Variants in FAM227B observed in about 807,000 individuals in gnomAD.
FAM227B encodes the protein family with sequence similarity 227 member B.
Under a neutral mutation model 73.8 loss-of-function variants are expected in FAM227B, and 88 were observed. The observed-to-expected ratio is 1.19, with a 90% CI of 1.00 to 1.42. The LOEUF (loss-of-function observed/expected upper bound fraction) is 1.42, where lower values mean the gene tolerates loss of function less well. Ranked by LOEUF, FAM227B falls within the 40% of genes most tolerant of loss-of-function variation. FAM227B has a pLI of 0.00. For synonymous variants in FAM227B, 210 were observed against 190.5 expected (o/e 1.10, Z -0.84); for missense variants, 632 against 590.9 (o/e 1.07, Z -0.72).
chr15:49,463,370 A>G (rs570273124), intron 11 of FAM227B, among the ~76,000 whole-genome samples: 1 of 152,184 alleles, frequency 6.6e-6, no homozygotes, highest in African/African-American at 2.4e-5. Flanking sequence ...CCTGGCCAAC[A>G]TAGTGAAACC....
chr15:49,493,708 TAC>T (rs1219058002), intron 11 of FAM227B, among the ~76,000 whole-genome samples: 1 of 151,958 alleles, frequency 6.6e-6, no homozygotes, highest in African/African-American at 2.4e-5. Flanking sequence ...TCCATCCATC[TAC>T]ACTTATCTAC....
At chr15:49,532,564 C>T (rs17402115) in intron 10 of FAM227B, among the ~76,000 whole-genome samples, 37,747 of 150,378 alleles carry the variant, frequency 0.25, 5,653 homozygotes, top group Non-Finnish European at 0.35. Context: ...CTAGAGAAAA[C>T]GGGAATGAAA....
At chr15:49,345,915 G>A (rs2041410644) in intron 13 of FAM227B, among the ~76,000 whole-genome samples, 1 of 152,136 alleles carries the variant, frequency 6.6e-6, no homozygotes, top group Non-Finnish European at 1.5e-5. Context: ...GAGTGTGTGT[G>A]AGAGACTCAG....
chr15:49,504,492 A>T (rs1028549305), intron 11 of FAM227B, among the ~76,000 whole-genome samples: 1 of 152,108 alleles, frequency 6.6e-6, no homozygotes, highest in Non-Finnish European at 1.5e-5. Context: ...TGGAACTAGC[A>T]CCACTCGCGT....
At chr15:49,447,875 TTTTG>T (rs2052371609) in intron 11 of FAM227B, among the ~76,000 whole-genome samples, 2 of 151,690 alleles carry the variant, frequency 1.3e-5, no homozygotes, top group Non-Finnish European at 3.0e-5. Flanking sequence ...TAGGTTTGAC[TTTTG>T]TTTTTCATGC....
chr15:49,489,863 TATATATATATATATATATATAGAG>T (rs1567382974), intron 11 of FAM227B, among the ~76,000 whole-genome samples: 2,038 of 10,484 alleles, frequency 0.19, 311 homozygotes, highest in Non-Finnish European at 0.28. Context: ...ATATATTTTA[TATATATATATATATATATATAGAG>T]AGAGAGAGAG....
intron 11 of FAM227B, among the ~76,000 whole-genome samples, chr15:49,463,950 G>C (rs2054037139): frequency 6.7e-6 from 1 of 149,138 alleles, no homozygotes; most frequent in South Asian, 2.1e-4. Flanking sequence ...GTTTGCTTTA[G>C]AGTTACTATT....
At chr15:49,409,872 A>G (rs1461814844) in intron 11 of FAM227B, among the ~76,000 whole-genome samples, 1 of 152,196 alleles carries the variant, frequency 6.6e-6, no homozygotes, top group Non-Finnish European at 1.5e-5. Flanking sequence ...GCATGCAGTA[A>G]GTGTTATGTA....
At chr15:49,331,610 TA>T (rs1417675059) in intron 15 of FAM227B, 169 bp downstream of exon 15, 11 of 563,416 alleles carry the variant, frequency 2.0e-5, no homozygotes, top group Non-Finnish European at 3.1e-5. Context: ...ACTAAATATG[TA>T]AAACAGATTT....
At chr15:49,341,162 T>C (rs568999474) in intron 13 of FAM227B, among the ~76,000 whole-genome samples, 6 of 152,356 alleles carry the variant, frequency 3.9e-5, no homozygotes, top group African/African-American at 1.4e-4. Context: ...TTTGGGTTAC[T>C]GTAGCCTTGT....
intron 11 of FAM227B, among the ~76,000 whole-genome samples, chr15:49,458,255 C>G (rs930515161): frequency 6.6e-6 from 1 of 151,818 alleles, no homozygotes; most frequent in African/African-American, 2.4e-5. Flanking sequence ...TTCATTTATA[C>G]TGAATTAATA....
chr15:49,543,174 T>G (rs2071325807), intron 9 of FAM227B, among the ~76,000 whole-genome samples: 1 of 152,170 alleles, frequency 6.6e-6, no homozygotes, highest in Non-Finnish European at 1.5e-5. Context: ...ACATATATTA[T>G]TTTTGGATTT....
At chr15:49,574,045 T>C (rs775244717) in intron 8 of FAM227B, among the ~76,000 whole-genome samples, 2 of 152,132 alleles carry the variant, frequency 1.3e-5, no homozygotes, top group African/African-American at 2.4e-5. Flanking sequence ...CCTGGCAACA[T>C]TGCTTTGAAA....
At chr15:49,427,910 T>TA (rs1425270587) in intron 11 of FAM227B, among the ~76,000 whole-genome samples, 2 of 152,168 alleles carry the variant, frequency 1.3e-5, no homozygotes, top group Non-Finnish European at 2.9e-5. Flanking sequence ...TAGGGAATTT[T>TA]AAAAAATTAC....
chr15:49,348,331 G>T (rs774570895), intron 13 of FAM227B, among the ~76,000 whole-genome samples: 7 of 152,012 alleles, frequency 4.6e-5, no homozygotes, highest in African/African-American at 7.3e-5. Context: ...TTCAAGACAA[G>T]TTCCCTAGCT....
intron 11 of FAM227B, among the ~76,000 whole-genome samples, chr15:49,489,909 GAGAGAC>G (rs1555505098): frequency 1.5e-4 from 8 of 53,136 alleles, no homozygotes; most frequent in South Asian, 1.3e-3. Flanking sequence ...GAGAGAGAGA[GAGAGAC>G]AGAGAGAGAG....
chr15:49,337,065 TACC>T (rs748686739), intron 13 of FAM227B, among the ~76,000 whole-genome samples: 2 of 152,248 alleles, frequency 1.3e-5, no homozygotes, highest in Non-Finnish European at 2.9e-5. Context: ...GGTGTATATG[TACC>T]ACATTTTCTT....
intron 11 of FAM227B, among the ~76,000 whole-genome samples, chr15:49,468,942 T>C (rs1310958306): frequency 6.6e-6 from 1 of 152,216 alleles, no homozygotes; most frequent in Non-Finnish European, 1.5e-5. Flanking sequence ...AAAGTCAATT[T>C]TGAATAACAT....
At chr15:49,354,932 C>G (rs1350638423) in intron 13 of FAM227B, among the ~76,000 whole-genome samples, 1 of 151,986 alleles carries the variant, frequency 6.6e-6, no homozygotes, top group Non-Finnish European at 1.5e-5. Flanking sequence ...GTCCCTGACC[C>G]CTGACCCTCG....
Sources: allele counts gnomAD v4.1 joint callset (sites outside exome capture counted in the v4.1 genomes callset), GRCh38; gene constraint gnomAD v4.1.1; transcripts MANE v1.5; gene names NCBI Gene and HGNC (gene_info 2026-07-23, HGNC 2026-07-21).